The following LY6D variants were observed in gnomAD, a reference collection of about 807,000 sequenced individuals.
The protein encoded by LY6D is lymphocyte antigen 6 family member D.
LY6D carries 7 observed loss-of-function variants against 5.6 expected under a neutral mutation model. The ratio of observed to expected loss-of-function variants is 1.24; its 90% CI spans 0.71 to 2.34. The LOEUF is 2.34. Among genes scored for constraint, LY6D ranks in the 30% most tolerant of loss-of-function variants. The pLI is 0.00. For synonymous variants in LY6D, 81 were observed against 75.0 expected (o/e 1.08, Z -0.41); for missense variants, 148 against 164.8 (o/e 0.90, Z 0.56).
At position 142,785,176 on chromosome 8, in the gene LY6D, G is replaced by A. The variant is rs1159477472; in HGVS notation, c.*45C>T. 13 of 1,485,088 alleles carry A rather than the reference G, an allele frequency of 8.8e-6. No individual in the cohort carries two copies. The African/African-American group carries it at 9.7e-5, about 11-fold the overall frequency. 92.0% of individuals were successfully genotyped at this position (1,485,088 alleles called of 1,614,324 possible). On this transcript the variant is annotated 3_prime_UTR_variant, in exon 3 of 3. Coordinates refer to ENST00000301263, the MANE Select transcript of LY6D (RefSeq NM_003695.3). ...GGGGAAGAGAGGTGTGGAATCCCCA[G>A]AGAAAGGGAAGGAAAGGCATGAGGG...
At chr8:142,785,814 A>C in intron 1 of LY6D, 127 bp from the exon 2 acceptor site, 2 of 1,470,662 alleles carry the variant, frequency 1.4e-6, no homozygotes, top group Non-Finnish European at 1.8e-6. Flanking sequence ...CTAGGCCCCC[A>C]AACCCGGGCT....
intron 1 of LY6D, 75 bp from the exon 2 acceptor site, chr8:142,785,762 C>G (rs965672385): frequency 6.3e-7 from 1 of 1,578,284 alleles, no homozygotes; most frequent in South Asian, 1.1e-5. Context: ...GCTCCCCCAC[C>G]TGCAGAGACC....
chr8:142,786,505 T>A lies in LY6D; in HGVS notation c.12A>T (p.Ala4=). 7.5e-7 allele frequency: 1 copy of A among 1,331,516 alleles called. No homozygotes were observed. Among genetic ancestry groups the A allele is most frequent in the Non-Finnish European group, 9.9e-7 (1 of 1,009,306 alleles). 82.5% of individuals were successfully genotyped at this position (1,331,516 alleles called of 1,614,324 possible). The change falls in exon 1 of 3, where the codon GCA becomes GCT. Residue 4 remains alanine, a synonymous_variant. Coordinates refer to ENST00000301263, the MANE Select transcript of LY6D (RefSeq NM_003695.3). MRT[A]LLLLAALAVA... ...CAGCCAGGGCTGCAAGGAGCAGCAA[T>A]GCTGTCCTCATCTCTGATGTCGTCT...
At chr8:142,786,430 G>GGGCCC in intron 1 of LY6D, 35 bp downstream of exon 1, 2 of 1,434,768 alleles carry the variant, frequency 1.4e-6, no homozygotes, top group Non-Finnish European at 1.9e-6. Context: ...GGCCACAGCC[G>GGGCCC]CCCACCCGCC....
At position 142,785,254 on chromosome 8, in the gene LY6D, G is replaced by T. The variant is rs377174876; in HGVS notation, c.354C>A (p.Ser118Arg). 3.7e-6 allele frequency: 6 copies of T among 1,610,172 alleles called. No homozygotes were observed. The African/African-American group carries it at 8.0e-5, about 22-fold the overall frequency. The change falls in exon 3 of 3, where the codon AGC (serine) becomes AGA (arginine). Residue 118 changes from serine to arginine, a missense_variant. Coordinates refer to ENST00000301263, the MANE Select transcript of LY6D (RefSeq NM_003695.3). ...TGGGGGCTAAGATGACGGCCAGGAGGCTCAGGGCCAGCCCCAGGCTGAGGG... is the reference window on the plus strand; with the variant it reads ...TGGGGGCTAAGATGACGGCCAGGAGTCTCAGGGCCAGCCCCAGGCTGAGGG... ...HSALSLGLAL[S>R]LLAVILAPSL
Position 142,785,579 on chromosome 8 carries a change from T to A in LY6D, c.151+10A>T. Reference sequence around the variant, plus strand: ...CCAGCCCCAGGGACACCTGGACAGATGCTACCCACCTGTGTTCGTGGTCTT... The same window carrying A: ...CCAGCCCCAGGGACACCTGGACAGAAGCTACCCACCTGTGTTCGTGGTCTT... On this transcript the variant is annotated intron_variant, in intron 2 of 2. Coordinates refer to ENST00000301263, the MANE Select transcript of LY6D (RefSeq NM_003695.3). 6.2e-7 allele frequency: 1 copy of A among 1,613,384 alleles called. No individual in the cohort carries two copies. Among genetic ancestry groups the A allele is most frequent in the Non-Finnish European group, 8.5e-7 (1 of 1,179,796 alleles).
chr8:142,785,505 A>G (rs1202338488), intron 2 of LY6D, 49 bp from the exon 3 acceptor site: 2 of 1,596,722 alleles, frequency 1.3e-6, no homozygotes, highest in African/African-American at 2.7e-5. Flanking sequence ...TCTGCCCCCC[A>G]CCTCCCCACA....
At chr8:142,785,901 G>T in intron 1 of LY6D, 7 of 1,415,994 alleles carry the variant, frequency 4.9e-6, no homozygotes, top group Non-Finnish European at 6.4e-6. Context: ...CTTGGAAGAG[G>T]TGTCCTGCCC....
chr8:142,785,922 T>C (rs2047340180), intron 1 of LY6D: 2 of 1,389,420 alleles, frequency 1.4e-6, no homozygotes, highest in African/African-American at 1.5e-5. Flanking sequence ...TGCCCCTGTC[T>C]AGGGTGTGTT....
In LY6D at chr8:142,785,261, G is replaced by A. The variant is rs1381400015; in HGVS notation, c.347C>T (p.Ala116Val). 6.2e-7 allele frequency: 1 copy of A among 1,611,672 alleles called. No individual in the cohort carries two copies. The highest frequency in any genetic ancestry group is 8.5e-7 in the Non-Finnish European group (1 of 1,178,678). The change falls in exon 3 of 3, where the codon GCC (alanine) becomes GTC (valine). Residue 116 changes from alanine to valine, a missense_variant. Physicochemically the swap from Ala to Val is moderately conservative, Grantham distance 64. Transcript: ENST00000301263. Reference protein sequence around the residue: ...LAHSALSLGLALSLLAVILAP... With the variant: ...LAHSALSLGLVLSLLAVILAP... ...TAAGATGACGGCCAGGAGGCTCAGG[G>A]CCAGCCCCAGGCTGAGGGCACTGTG...
At chr8:142,786,173 A>G in intron 1 of LY6D, 1 of 1,265,976 alleles carries the variant, frequency 7.9e-7, no homozygotes, top group Non-Finnish European at 9.9e-7. Flanking sequence ...GGCTGGTGGC[A>G]GGGACTAGAT....
intron 1 of LY6D, chr8:142,786,253 G>A: frequency 7.3e-7 from 1 of 1,373,102 alleles, no homozygotes; most frequent in Non-Finnish European, 9.4e-7. Flanking sequence ...CGTGACTCCA[G>A]GAGTCAGTTC....
At position 142,786,448 on chromosome 8, in the gene LY6D, T is replaced by TA; in HGVS notation, c.52+16_52+17insT. On this transcript the variant is annotated intron_variant, in intron 1 of 2. Coordinates refer to ENST00000301263, the MANE Select transcript of LY6D (RefSeq NM_003695.3). The stretch of plus-strand genomic sequence containing the variant: ...CACAGCCGCCCACCCGCCCGTCCCC[T>TA]TGGCCCAGCCCCTCACCTGGCCCTG... The TA allele has an allele frequency of 7.8e-7, 1 of 1,280,746 alleles. No individual in the cohort carries two copies. The highest frequency in any genetic ancestry group is 1.1e-6 in the Non-Finnish European group (1 of 940,898). 79.3% of individuals were successfully genotyped at this position (1,280,746 alleles called of 1,614,324 possible).
chr8:142,786,430 G>GGCCCCCCCCCCCCCCCCCAGGC, intron 1 of LY6D, 35 bp downstream of exon 1: 1 of 1,434,864 alleles, frequency 7.0e-7, no homozygotes, highest in Non-Finnish European at 9.4e-7. Context: ...GGCCACAGCC[G>GGCCCCCCCCCCCCCCCCCAGGC]CCCACCCGCC....
chr8:142,785,581 C>T lies in LY6D; in HGVS notation c.151+8G>A, dbSNP rs1040579423. 1 of 1,613,292 alleles carries T rather than the reference C, an allele frequency of 6.2e-7. No homozygotes were observed. The highest frequency in any genetic ancestry group is 8.5e-7 in the Non-Finnish European group (1 of 1,179,686). On this transcript the variant is annotated splice_region_variant and intron_variant, in intron 2 of 2. Transcript: ENST00000301263. ...AGCCCCAGGGACACCTGGACAGATG[C>T]TACCCACCTGTGTTCGTGGTCTTGC... is the stretch of plus-strand genomic sequence containing the variant.
At position 142,785,080 on chromosome 8, in the gene LY6D, C is replaced by T. The variant is rs1815625667; in HGVS notation, c.*141G>A. On this transcript the variant is annotated 3_prime_UTR_variant, in exon 3 of 3. Coordinates refer to ENST00000301263, the MANE Select transcript of LY6D (RefSeq NM_003695.3). ...TGCTCCAAGTCATCAGCATTCCATG[C>T]CCACCTGGACCTGGTCCCAGACTTT... is the stretch of plus-strand genomic sequence containing the variant. 3 of 666,234 alleles carry T rather than the reference C, an allele frequency of 4.5e-6. No individual in the cohort carries two copies. The highest frequency in any genetic ancestry group is 2.0e-5 in the South Asian group (1 of 51,212). 41.3% of individuals were successfully genotyped at this position (666,234 alleles called of 1,614,324 possible).
At chr8:142,786,292 A>T in intron 1 of LY6D, 173 bp downstream of exon 1, 7 of 1,366,004 alleles carry the variant, frequency 5.1e-6, no homozygotes, top group Non-Finnish European at 6.6e-6. Flanking sequence ...AAACATTGTA[A>T]ATCTGACACT....
Position 142,785,379 on chromosome 8 carries a change from C to T in LY6D, c.229G>A (p.Val77Ile). Residue 77 changes from valine to isoleucine, a missense_variant, in exon 3 of 3, where the codon GTC (valine) becomes ATC (isoleucine). Val to Ile is a conservative substitution (Grantham distance 29). Coordinates refer to ENST00000301263, the MANE Select transcript of LY6D (RefSeq NM_003695.3). ...CTPSYTLQGQ[V>I]SSGTSSTQCC... is the part of the protein sequence containing the mutation. ...TGGGTGGAGCTGGTGCCGCTGCTGA[C>T]CTGGCCTTGCAGGGTGTAGCTGGGT... The T allele has an allele frequency of 1.2e-6, 2 of 1,613,608 alleles. No individual in the cohort carries two copies. The highest frequency in any genetic ancestry group is 1.6e-4 in the Middle Eastern group (1 of 6,062).
chr8:142,785,782 C>T (rs976590013), intron 1 of LY6D, 95 bp from the exon 2 acceptor site: 14 of 1,534,868 alleles, frequency 9.1e-6, no homozygotes, highest in Non-Finnish European at 1.2e-5. Context: ...CCCTCCTGGA[C>T]AGAGGCCCTG....
Sources: gnomAD v4.1 joint callset for allele counts on GRCh38, gnomAD v4.1.1 for gene constraint, MANE v1.5 for transcripts, NCBI Gene and HGNC (gene_info 2026-07-23, HGNC 2026-07-21) for gene names.